Variants in DSC3 observed in about 807,000 individuals in gnomAD.
The protein encoded by DSC3 is desmocollin-3.
In DSC3, 97 loss-of-function variants were observed where a neutral mutation model predicts 89.5. The observed-to-expected ratio is 1.08, with a 90% confidence interval of 0.92 to 1.28. The LOEUF (loss-of-function observed/expected upper bound fraction) is 1.28. Among genes scored for constraint, DSC3 ranks in the 50% most tolerant of loss-of-function variants. The probability of loss-of-function intolerance (pLI) is 0.00; values close to 1 mark genes in which losing one functional copy is unlikely to be tolerated. For synonymous variants in DSC3, 436 were observed against 384.1 expected, an observed-to-expected ratio of 1.14 and a Z score of -1.58; for missense variants, 1,199 against 1,085.3, an observed-to-expected ratio of 1.10 and a Z score of -1.47.
At chr18:31,002,875 C>T (rs1984713311) in intron 13 of DSC3, among the ~76,000 whole-genome samples, 1 of 152,114 alleles carries the variant, frequency 6.6e-6, no homozygotes. Flanking sequence ...AAACACATGG[C>T]CTGCAAAGCT....
At position 31,008,132 on chromosome 18, in the gene DSC3, C is replaced by A. The variant is rs763900204; in HGVS notation, c.1547G>T (p.Gly516Val). ...LRYKKLHDPK[G>V]WITIDEISGS... ...TGAAATTTCATCAATGGTGATCCAA[C>A]CTTTAGGATCATGCAATTTTTTGTA... The change falls in exon 11 of 16, where the codon GGT becomes GTT. Residue 516 changes from glycine to valine, a missense_variant. Gly to Val is a moderately radical substitution (Grantham distance 109). Transcript: ENST00000360428. 63 of 1,611,846 alleles carry A rather than the reference C, an allele frequency of 3.9e-5. No individual in the cohort carries two copies. The highest frequency in any genetic ancestry group is 3.8e-5 in the Non-Finnish European group (45 of 1,178,914).
chr18:31,013,222 T>A (rs1985128526), intron 9 of DSC3, among the ~76,000 whole-genome samples: 1 of 149,762 alleles, frequency 6.7e-6, no homozygotes. Flanking sequence ...GTATCTTATT[T>A]TATGACAAAG....
intron 1 of DSC3, among the ~76,000 whole-genome samples, chr18:31,040,411 AG>A (rs1216828421): frequency 1.3e-5 from 2 of 152,216 alleles, no homozygotes; most frequent in Non-Finnish European, 2.9e-5. Flanking sequence ...GGTTACATTA[AG>A]AGGAAAAAAC....
chr18:31,008,546 A>G (rs1279822788), intron 9 of DSC3, 21 bp from the exon 10 acceptor site: 1 of 1,613,252 alleles, frequency 6.2e-7, no homozygotes, highest in South Asian at 1.1e-5. Flanking sequence ...AAGTCCATGT[A>G]TATCAGTGTC....
chr18:31,027,670 T>C (rs899250736), intron 4 of DSC3, among the ~76,000 whole-genome samples: 1 of 152,128 alleles, frequency 6.6e-6, no homozygotes, highest in Non-Finnish European at 1.5e-5. Flanking sequence ...ACTGTGCCAG[T>C]GGCACTTTGG....
intron 3 of DSC3, 35 bp from the exon 4 acceptor site, chr18:31,029,663 A>G: frequency 6.2e-7 from 1 of 1,612,794 alleles, no homozygotes; most frequent in South Asian, 1.1e-5. Flanking sequence ...ATGAATAAAC[A>G]AAAGCATCAC....
At chr18:31,009,524 G>A (rs7229311) in intron 9 of DSC3, among the ~76,000 whole-genome samples, 72,367 of 152,042 alleles carry the variant, frequency 0.48, 20,508 homozygotes, top group African/African-American at 0.78. Flanking sequence ...CCCACTACCT[G>A]TTTTTATGAA....
At chr18:31,042,158 G>C (rs1986154721) in intron 1 of DSC3, among the ~76,000 whole-genome samples, 1 of 152,162 alleles carries the variant, frequency 6.6e-6, no homozygotes, top group African/African-American at 2.4e-5. Context: ...GCGACCCAGA[G>C]CTGGGGAGGG....
chr18:31,024,601 T>C lies in DSC3; in HGVS notation c.631-108A>G, dbSNP rs934054908. Reference sequence around the variant, plus strand: ...CAAATCTTTTCAATAATAAACTACTTTGAAGTTTTTTTATCCACTGTGTTT... The same window carrying C: ...CAAATCTTTTCAATAATAAACTACTCTGAAGTTTTTTTATCCACTGTGTTT... On this transcript the variant is annotated intron_variant, in intron 5 of 15. Coordinates refer to ENST00000360428, the MANE Select transcript of DSC3 (RefSeq NM_001941.5). The C allele has an allele frequency of 1.3e-5, 16 of 1,244,026 alleles. No homozygotes were observed. In the Admixed American group the frequency reaches 1.8e-4, roughly 14 times the overall value. The allele number at this position is 1,244,026 out of a possible 1,614,324, so 77.1% of individuals were successfully genotyped here. A position where few individuals can be genotyped will look rare whatever the true frequency, so the allele number is the denominator to read the frequency against.
chr18:30,996,008 A>G (rs1164549188), intron 15 of DSC3, among the ~76,000 whole-genome samples: 1 of 149,072 alleles, frequency 6.7e-6, no homozygotes, highest in Non-Finnish European at 1.5e-5. Context: ...AAGAAAAGAA[A>G]GAAAAAAGCT....
At position 30,993,186 on chromosome 18, in the gene DSC3, T is replaced by C. The variant is rs1418028788; in HGVS notation, c.*989A>G. ...GTAAAGGTAAGTTTTAAAATGTTTT[T>C]GTTATTAGCTCCCCGAAAAAAACAC... On this transcript the variant is annotated 3_prime_UTR_variant, in exon 16 of 16. Transcript: ENST00000360428. The C allele has an allele frequency of 6.6e-6, 1 of 152,166 alleles. No individual in the cohort carries two copies. The highest frequency in any genetic ancestry group is 1.5e-5 in the Non-Finnish European group (1 of 68,028). The allele number at this position is 152,166 out of a possible 1,614,324, so 9.4% of individuals were successfully genotyped here.
chr18:31,031,458 G>T (rs561234341), intron 2 of DSC3, among the ~76,000 whole-genome samples: 3 of 152,080 alleles, frequency 2.0e-5, no homozygotes, highest in African/African-American at 7.2e-5. Context: ...AAAGATGTGG[G>T]CATGTTATAA....
intron 14 of DSC3, among the ~76,000 whole-genome samples, chr18:30,997,965 G>A (rs1328258925): frequency 1.3e-5 from 2 of 152,234 alleles, no homozygotes; most frequent in African/African-American, 4.8e-5. Context: ...GGGTTGGGGG[G>A]AGTTAGAAAG....
At chr18:31,020,336 G>T (rs907705319) in intron 7 of DSC3, among the ~76,000 whole-genome samples, 1 of 152,096 alleles carries the variant, frequency 6.6e-6, no homozygotes, top group Admixed American at 6.6e-5. Flanking sequence ...CCATACAAAG[G>T]ACACTAAAAA....
At chr18:31,015,462 A>G (rs1045431761) in intron 9 of DSC3, among the ~76,000 whole-genome samples, 4 of 152,218 alleles carry the variant, frequency 2.6e-5, no homozygotes, top group Non-Finnish European at 5.9e-5. Context: ...GAGTACATAT[A>G]CTCATTGATT....
rs976326456 is a variant in DSC3 at position 31,022,533 on chromosome 18, T to C, written c.776-31A>G. On this transcript the variant is annotated intron_variant, in intron 6 of 15. Coordinates refer to ENST00000360428, the MANE Select transcript of DSC3 (RefSeq NM_001941.5). ...CATTAAAAAATAAAACAGCCTTTAATTTACAGAATTGTTAAATATACTTTC... is the reference window on the plus strand; with the variant it reads ...CATTAAAAAATAAAACAGCCTTTAACTTACAGAATTGTTAAATATACTTTC... The C allele has an allele frequency of 5.0e-6, 8 of 1,612,264 alleles. No homozygotes were observed. The African/African-American group carries it at 5.3e-5, about 11-fold the overall frequency.
rs267605141 is a variant in DSC3 at position 30,996,981 on chromosome 18, C to G, written c.2303G>C (p.Gly768Ala). 3.7e-5 allele frequency: 60 copies of G among 1,613,998 alleles called. No individual in the cohort carries two copies. Among genetic ancestry groups the G allele is most frequent in the Admixed American group, 1.0e-4 (6 of 60,000 alleles). The change falls in exon 15 of 16, where the codon GGA becomes GCA. Residue 768 changes from glycine to alanine, a missense_variant. Physicochemically the swap from Gly to Ala is moderately conservative, Grantham distance 60. Coordinates refer to ENST00000360428, the MANE Select transcript of DSC3 (RefSeq NM_001941.5). ...CTGCCCTCCATTTTTCATTCCTGATCCCATAGTACCACAAAAACCTTGGCT... is the reference window on the plus strand; with the variant it reads ...CTGCCCTCCATTTTTCATTCCTGATGCCATAGTACCACAAAAACCTTGGCT... Reference protein sequence around the residue: ...NSSQGFCGTMGSGMKNGGQET... With the variant: ...NSSQGFCGTMASGMKNGGQET...
Position 31,018,150 on chromosome 18 carries a change from A to T in DSC3, c.1184T>A (p.Ile395Asn). The part of the protein sequence containing the change: ...NTANWRVNFT[I>N]LKGNENGHFK... ...ATGTCCATTTTCATTTCCCTTTAAA[A>T]TGGTAAAATTGACTCTCCAATTGGC... The change falls in exon 9 of 16, where the codon ATT becomes AAT. Residue 395 changes from isoleucine (I) to asparagine (N), a missense_variant. Physicochemically the swap from Ile to Asn is moderately radical, Grantham distance 149. Transcript: ENST00000360428. 6.2e-7 allele frequency: 1 copy of T among 1,612,616 alleles called. No homozygotes were observed. Among genetic ancestry groups the T allele is most frequent in the Non-Finnish European group, 8.5e-7 (1 of 1,179,290 alleles).
intron 1 of DSC3, among the ~76,000 whole-genome samples, chr18:31,041,241 A>G (rs1194802003): frequency 1.3e-5 from 2 of 152,112 alleles, no homozygotes; most frequent in Non-Finnish European, 2.9e-5. Flanking sequence ...CAAAACCCCA[A>G]ATGCATGCTT....
Sources: gnomAD v4.1 joint callset for allele counts (sites outside exome capture counted in the v4.1 genomes callset) on GRCh38, gnomAD v4.1.1 for gene constraint, MANE v1.5 for transcripts, NCBI Gene and HGNC (gene_info 2026-07-23, HGNC 2026-07-21) for gene names.